ZNF710: variants seen among roughly 807,000 people sequenced by gnomAD.
ZNF710 encodes zinc finger protein 710.
Under a neutral mutation model 50.6 loss-of-function variants are expected in ZNF710, and 13 were observed. The observed-to-expected ratio is 0.26, with a 90% CI of 0.17 to 0.41. ZNF710 has a LOEUF of 0.41. Ranked by LOEUF, ZNF710 falls within the 10% of genes least tolerant of loss-of-function variation. The pLI, the probability that ZNF710 is intolerant of heterozygous loss-of-function variation, is 1.00. For missense variants in ZNF710, 721 were observed against 936.6 expected, an observed-to-expected ratio of 0.77 and a Z score of 3.01; for synonymous variants, 383 against 397.0, an observed-to-expected ratio of 0.96 and a Z score of 0.42.
chr15:90,061,196 G>T (rs546196046), intron 1 of ZNF710, among the ~76,000 whole-genome samples: 1 of 151,086 alleles, frequency 6.6e-6, no homozygotes, highest in African/African-American at 2.5e-5. Flanking sequence ...TTGAGACAGG[G>T]TTTCACGCCT....
rs530446867 is a variant in ZNF710 at position 90,080,962 on chromosome 15, G to T, written c.*1133G>T. 4 of 152,286 alleles carry T rather than the reference G, an allele frequency of 2.6e-5. No homozygotes were observed. Among genetic ancestry groups the T allele is most frequent in the South Asian group, 4.1e-4 (2 of 4,826 alleles). The allele number at this position is 152,286 out of a possible 1,614,324, so 9.4% of individuals were successfully genotyped here. A position where few individuals can be genotyped will look rare whatever the true frequency, so the allele number is the denominator to read the frequency against. On this transcript the variant is annotated 3_prime_UTR_variant, in exon 5 of 5. Transcript: ENST00000268154. Reference sequence around the variant, plus strand: ...GCGTAAGCTTCCTAATGTGCTGTGCGTGCTTCCTACCCACCCACCCCGAGC... The same window carrying T: ...GCGTAAGCTTCCTAATGTGCTGTGCTTGCTTCCTACCCACCCACCCCGAGC...
intron 1 of ZNF710, among the ~76,000 whole-genome samples, chr15:90,016,491 G>A (rs1404467764): frequency 1.3e-5 from 2 of 152,124 alleles, no homozygotes; most frequent in Non-Finnish European, 2.9e-5. Context: ...ACCCACGCTA[G>A]AATGCAGTGG....
chr15:90,055,791 A>G (rs1484791048), intron 1 of ZNF710, among the ~76,000 whole-genome samples: 2 of 152,232 alleles, frequency 1.3e-5, no homozygotes, highest in African/African-American at 4.8e-5. Flanking sequence ...GGTGACCCCC[A>G]TGTTTGACAT....
intron 1 of ZNF710, among the ~76,000 whole-genome samples, chr15:90,009,442 C>T (rs552731976): frequency 6.6e-6 from 1 of 152,124 alleles, no homozygotes; most frequent in African/African-American, 2.4e-5. Context: ...CTTGCCATTA[C>T]CCAGAAGCAG....
At chr15:90,014,793 G>T (rs1181066293) in intron 1 of ZNF710, among the ~76,000 whole-genome samples, 1 of 151,892 alleles carries the variant, frequency 6.6e-6, no homozygotes, top group African/African-American at 2.4e-5. Context: ...CTCAAAATTG[G>T]GAAAGCATTT....
intron 1 of ZNF710, 126 bp from the exon 2 acceptor site, chr15:90,066,984 C>T: frequency 9.5e-7 from 1 of 1,050,738 alleles, no homozygotes; most frequent in Admixed American, 2.9e-5. Context: ...TTCCCAAGGC[C>T]AGGAGTAGAA....
chr15:90,017,347 G>A lies in ZNF710; in HGVS notation c.-29+15733G>A, dbSNP rs116109402. Among the ~76,000 whole-genome samples the A allele has an allele frequency of 4.7e-3, 717 of 152,268 alleles. 9 individuals carry two copies. The highest frequency in any genetic ancestry group is 0.016 in the African/African-American group (683 of 41,532). ...TGAGAAATGCTGTATGGAGAACAAA[G>A]CTGAAAGTGTTGGCCATATATAATA... On this transcript the variant is annotated intron_variant, in intron 1 of 4. Transcript: ENST00000268154.
chr15:90,052,747 A>G (rs1375152597), intron 1 of ZNF710, among the ~76,000 whole-genome samples: 2 of 152,202 alleles, frequency 1.3e-5, no homozygotes, highest in South Asian at 2.1e-4. Flanking sequence ...CCTGGCCAAC[A>G]TGGTGAAACC....
chr15:90,064,662 A>G (rs1233546944), intron 1 of ZNF710, among the ~76,000 whole-genome samples: 1 of 151,964 alleles, frequency 6.6e-6, no homozygotes, highest in Non-Finnish European at 1.5e-5. Context: ...TAATTTTTGT[A>G]TTTTTAGTAG....
At chr15:90,065,485 C>T (rs551748458) in intron 1 of ZNF710, among the ~76,000 whole-genome samples, 10 of 152,276 alleles carry the variant, frequency 6.6e-5, no homozygotes, top group East Asian at 1.9e-4. Context: ...GGAGAGGGCA[C>T]GAGGGCAGGC....
intron 1 of ZNF710, among the ~76,000 whole-genome samples, chr15:90,023,953 C>T (rs1898697181): frequency 1.3e-5 from 2 of 151,808 alleles, no homozygotes; most frequent in South Asian, 2.1e-4. Flanking sequence ...GAGCCGAGAT[C>T]GTGCCACTGC....
At chr15:90,047,476 G>T (rs1490271227) in intron 1 of ZNF710, among the ~76,000 whole-genome samples, 5 of 152,174 alleles carry the variant, frequency 3.3e-5, no homozygotes, top group Non-Finnish European at 7.3e-5. Flanking sequence ...TCAAAACCTG[G>T]TGGGGTTTTT....
At chr15:90,018,163 CT>C (rs1881532498) in intron 1 of ZNF710, among the ~76,000 whole-genome samples, 1 of 140,794 alleles carries the variant, frequency 7.1e-6, no homozygotes, top group East Asian at 2.0e-4. Flanking sequence ...CTTTTCTTTT[CT>C]TTTTTCTTTT....
At chr15:90,077,444 C>T (rs928626794) in intron 4 of ZNF710, among the ~76,000 whole-genome samples, 2 of 151,996 alleles carry the variant, frequency 1.3e-5, no homozygotes, top group African/African-American at 4.8e-5. Context: ...CGGGGTTTCA[C>T]GGTGTTAGCC....
At chr15:90,001,934 G>A (rs1191705598) in intron 1 of ZNF710, among the ~76,000 whole-genome samples, 3 of 143,852 alleles carry the variant, frequency 2.1e-5, no homozygotes, top group Non-Finnish European at 4.6e-5. Context: ...GGGAGCGAGC[G>A]AAAGAGGGCG....
chr15:90,002,957 TCC>T (rs1400571348), intron 1 of ZNF710, among the ~76,000 whole-genome samples: 1 of 152,160 alleles, frequency 6.6e-6, no homozygotes, highest in Non-Finnish European at 1.5e-5. Context: ...CACTGCAGCC[TCC>T]GTCTCCCGGG....
chr15:90,059,640 G>A lies in ZNF710; in HGVS notation c.-28-7470G>A, dbSNP rs566296050. On this transcript the variant is annotated intron_variant, in intron 1 of 4. Coordinates refer to ENST00000268154, the MANE Select transcript of ZNF710 (RefSeq NM_198526.4). The surrounding 1 kb of genome is among the most constrained non-coding windows in gnomAD (Gnocchi z 4.1). ...CTCGAACTTCCCCTGCCCCTCCCCC[G>A]TGCCGGCGGCAGCTCCCTGGGCCTC... Among the ~76,000 whole-genome samples the A allele has an allele frequency of 1.2e-3, 179 of 152,072 alleles. No homozygotes were observed. The highest frequency in any genetic ancestry group is 1.9e-3 in the Non-Finnish European group (132 of 67,966).
chr15:90,013,451 C>A (rs1156532203), intron 1 of ZNF710, among the ~76,000 whole-genome samples: 1 of 152,188 alleles, frequency 6.6e-6, no homozygotes, highest in African/African-American at 2.4e-5. Flanking sequence ...AGGATTCTAT[C>A]TGTGAGAATT....
chr15:90,020,103 T>C (rs1352166156), intron 1 of ZNF710, among the ~76,000 whole-genome samples: 3 of 152,150 alleles, frequency 2.0e-5, no homozygotes, highest in African/African-American at 4.8e-5. Flanking sequence ...AGAGGGAAGT[T>C]TGATGGAATT....
Sources: gnomAD v4.1 joint callset for allele counts (sites outside exome capture counted in the v4.1 genomes callset) on GRCh38, gnomAD v4.1.1 for gene constraint, Gnocchi (gnomAD v3.1) non-coding constraint, MANE v1.5 for transcripts, NCBI Gene and HGNC (gene_info 2026-07-23, HGNC 2026-07-21) for gene names.